Variants in SPATA16 observed in about 807,000 individuals in gnomAD.
SPATA16 encodes the protein spermatogenesis associated 16, also known as spermatogenesis-associated protein 16.
Under a neutral mutation model 63.3 loss-of-function variants are expected in SPATA16, and 36 were observed. The ratio of observed to expected loss-of-function variants is 0.57; its 90% CI spans 0.44 to 0.75. SPATA16 has a LOEUF of 0.75. Among genes scored for constraint, SPATA16 ranks in the 30% least tolerant of loss-of-function variants. SPATA16 has a pLI of 0.00. For synonymous variants in SPATA16, 203 were observed against 216.7 expected, an observed-to-expected ratio of 0.94 and a Z score of 0.56; for missense variants, 646 against 679.3, an observed-to-expected ratio of 0.95 and a Z score of 0.54.
At chr3:172,984,911 A>T (rs1478124995) in intron 4 of SPATA16, among the ~76,000 whole-genome samples, 1 of 152,198 alleles carries the variant, frequency 6.6e-6, no homozygotes, top group East Asian at 1.9e-4. Flanking sequence ...TTTACATCTC[A>T]TTTAATTCCT....
intron 2 of SPATA16, among the ~76,000 whole-genome samples, chr3:173,051,284 C>T (rs1480824708): frequency 6.6e-6 from 1 of 152,154 alleles, no homozygotes. Context: ...CTCACAGCAA[C>T]CTCTGCCTCC....
In SPATA16 at chr3:173,052,914, G is replaced by C. The variant is rs568739180; in HGVS notation, c.613-3820C>G. 3.9e-5 allele frequency among the ~76,000 whole-genome samples: 6 copies of C among 152,194 alleles called. 2 individuals are homozygous for C. The highest frequency in any genetic ancestry group is 1.4e-4 in the African/African-American group (6 of 41,546). On this transcript the variant is annotated intron_variant, in intron 2 of 10. Transcript: ENST00000351008. ...AAGACTTTTAAGTAGGAAAAATTAAGTTAGGAGTTAACTTTTTATTTCAAA... is the reference window on the plus strand; with the variant it reads ...AAGACTTTTAAGTAGGAAAAATTAACTTAGGAGTTAACTTTTTATTTCAAA...
rs755460688 is a variant in SPATA16 at position 172,956,729 on chromosome 3, T to A, written c.1029A>T (p.Val343=). The A allele has an allele frequency of 1.2e-6, 2 of 1,613,184 alleles. No homozygotes were observed. Among genetic ancestry groups the A allele is most frequent in the African/African-American group, 1.3e-5 (1 of 75,038 alleles). ...TKIRADKIEK[V]KDAFTKTHPA... is the part of the protein sequence containing the mutation. ...GATGAGTTTTTGTGAAAGCATCTTT[T>A]ACTTTTTCTATTTTATCAGCTCTTA... The change falls in exon 6 of 11, where the codon GTA becomes GTT. Residue 343 remains valine (V), a synonymous_variant. Transcript: ENST00000351008.
chr3:172,962,435 GTTGT>G (rs1312477540), intron 5 of SPATA16, among the ~76,000 whole-genome samples: 2 of 151,894 alleles, frequency 1.3e-5, no homozygotes, highest in African/African-American at 2.4e-5. Context: ...GAAATTTGGG[GTTGT>G]TTGTTATAGT....
chr3:172,982,052 C>T (rs1046053811), intron 4 of SPATA16, among the ~76,000 whole-genome samples: 5 of 152,148 alleles, frequency 3.3e-5, no homozygotes, highest in Non-Finnish European at 5.9e-5. Flanking sequence ...ATCCCCTGTG[C>T]CTAGAATGGT....
chr3:173,035,196 C>T (rs774104178), intron 3 of SPATA16, among the ~76,000 whole-genome samples: 3 of 152,062 alleles, frequency 2.0e-5, no homozygotes, highest in Non-Finnish European at 2.9e-5. Flanking sequence ...AATAAAAATA[C>T]ATACATAACC....
At chr3:172,984,299 A>G (rs16846365) in intron 4 of SPATA16, among the ~76,000 whole-genome samples, 3 of 152,142 alleles carry the variant, frequency 2.0e-5, no homozygotes, top group Non-Finnish European at 4.4e-5. Flanking sequence ...CTACCATTAC[A>G]GTGCCTCCTA....
At chr3:172,947,582 G>A (rs9821464) in intron 6 of SPATA16, among the ~76,000 whole-genome samples, 13,265 of 152,120 alleles carry the variant, frequency 0.087, 1,936 homozygotes, top group African/African-American at 0.3. Context: ...CTGATTAGAA[G>A]TGGAATACTA....
At chr3:173,073,317 A>G (rs191716644) in intron 2 of SPATA16, among the ~76,000 whole-genome samples, 4 of 152,380 alleles carry the variant, frequency 2.6e-5, no homozygotes, top group Admixed American at 6.5e-5. Context: ...CCAAATGTTA[A>G]TGGTCAAGAC....
At chr3:172,965,640 A>T (rs190844578) in intron 5 of SPATA16, among the ~76,000 whole-genome samples, 6,128 of 149,328 alleles carry the variant, frequency 0.041, 423 homozygotes, top group African/African-American at 0.14. Flanking sequence ...ATTATTTATT[A>T]TTTTTTTTTT....
intron 3 of SPATA16, among the ~76,000 whole-genome samples, chr3:173,033,576 C>T (rs929532275): frequency 6.6e-6 from 1 of 152,040 alleles, no homozygotes; most frequent in African/African-American, 2.4e-5. Context: ...GATGTAAGGC[C>T]CTACACATCT....
intron 3 of SPATA16, among the ~76,000 whole-genome samples, chr3:173,031,591 G>A (rs547964409): frequency 6.6e-6 from 1 of 152,058 alleles, no homozygotes; most frequent in East Asian, 1.9e-4. Context: ...TTCAACATGG[G>A]CTGTTGGCAT....
chr3:173,053,850 GT>G (rs1442096132), intron 2 of SPATA16, among the ~76,000 whole-genome samples: 1 of 151,950 alleles, frequency 6.6e-6, no homozygotes, highest in Non-Finnish European at 1.5e-5. Flanking sequence ...AATTTTTAAG[GT>G]TTTTGGAAAT....
At chr3:173,099,510 C>T (rs1737441022) in intron 2 of SPATA16, among the ~76,000 whole-genome samples, 1 of 152,098 alleles carries the variant, frequency 6.6e-6, no homozygotes, top group Non-Finnish European at 1.5e-5. Context: ...TAAAGGTAGA[C>T]TACCGTACTA....
chr3:172,989,226 A>G (rs1419230143), intron 4 of SPATA16, among the ~76,000 whole-genome samples: 3 of 152,086 alleles, frequency 2.0e-5, no homozygotes, highest in South Asian at 4.1e-4. Flanking sequence ...TCCATTCTGT[A>G]TCTAATTTTT....
At chr3:173,097,245 T>G (rs2108323174) in intron 2 of SPATA16, among the ~76,000 whole-genome samples, 1 of 152,264 alleles carries the variant, frequency 6.6e-6, no homozygotes, top group South Asian at 2.1e-4. Context: ...CATACAGAGC[T>G]TCTGTTTAAG....
chr3:173,028,787 G>C (rs1735529578), intron 3 of SPATA16, among the ~76,000 whole-genome samples: 2 of 151,970 alleles, frequency 1.3e-5, no homozygotes, highest in African/African-American at 4.8e-5. Flanking sequence ...TGTTTTCACT[G>C]AATTGTGCCT....
intron 2 of SPATA16, among the ~76,000 whole-genome samples, chr3:173,068,052 G>T (rs1031677858): frequency 3.3e-5 from 5 of 152,058 alleles, no homozygotes; most frequent in Non-Finnish European, 5.9e-5. Context: ...AAAGCTGTGG[G>T]ACTTCATCAA....
intron 4 of SPATA16, among the ~76,000 whole-genome samples, chr3:173,010,271 G>GA (rs1735037019): frequency 6.6e-6 from 1 of 151,822 alleles, no homozygotes; most frequent in African/African-American, 2.4e-5. Flanking sequence ...CCCCAGGTTG[G>GA]GAGGGAACAA....
Sources: allele counts gnomAD v4.1 joint callset (sites outside exome capture counted in the v4.1 genomes callset), GRCh38; gene constraint gnomAD v4.1.1; transcripts MANE v1.5; gene names NCBI Gene and HGNC (gene_info 2026-07-23, HGNC 2026-07-21).